The following SCAPER variants were observed in gnomAD, a reference collection of about 807,000 sequenced individuals.
SCAPER encodes the protein S-phase cyclin A associated protein in the ER, also known as S phase cyclin A-associated protein in the endoplasmic reticulum.
A neutral mutation model predicts 182.2 loss-of-function variants in SCAPER; 98 were observed. That is an observed-to-expected ratio of 0.54 (90% CI 0.46 to 0.64). The LOEUF (loss-of-function observed/expected upper bound fraction) is 0.64, where lower values mean the gene tolerates loss of function less well. Ranked by LOEUF, SCAPER falls within the 30% of genes least tolerant of loss-of-function variation. The pLI, the probability that SCAPER is intolerant of heterozygous loss-of-function variation, is 0.00. For missense variants in SCAPER, 1,432 were observed against 1,690.0 expected (o/e 0.85, Z 2.68); for synonymous variants, 605 against 564.6 (o/e 1.07, Z -1.01).
intron 24 of SCAPER, among the ~76,000 whole-genome samples, chr15:76,493,909 G>A (rs2040246372): frequency 6.6e-6 from 1 of 152,058 alleles, no homozygotes; most frequent in African/African-American, 2.4e-5. Flanking sequence ...AATCACTATT[G>A]CTAATTAGCT....
chr15:76,848,982 G>A (rs755244876), intron 4 of SCAPER, among the ~76,000 whole-genome samples: 6 of 152,142 alleles, frequency 3.9e-5, no homozygotes, highest in East Asian at 1.9e-4. Context: ...GCATACGACA[G>A]CCCCTTGGCC....
At chr15:76,648,519 GA>G (rs2054745429) in intron 21 of SCAPER, among the ~76,000 whole-genome samples, 1 of 152,150 alleles carries the variant, frequency 6.6e-6, no homozygotes, top group African/African-American at 2.4e-5. Context: ...TAAACTCACA[GA>G]TTCAAAAAGC....
At chr15:76,695,714 T>C (rs1462824398) in intron 20 of SCAPER, among the ~76,000 whole-genome samples, 1 of 152,130 alleles carries the variant, frequency 6.6e-6, no homozygotes, top group East Asian at 1.9e-4. Flanking sequence ...CAGCCACAGA[T>C]ATAGAGCCAC....
intron 2 of SCAPER, among the ~76,000 whole-genome samples, chr15:76,877,759 C>T (rs1325552069): frequency 1.3e-5 from 2 of 152,140 alleles, no homozygotes; most frequent in Admixed American, 6.6e-5. Context: ...GGCTGAAGAA[C>T]TGTTCCAGAT....
At chr15:76,779,563 G>C (rs1200511227) in intron 8 of SCAPER, among the ~76,000 whole-genome samples, 2 of 152,022 alleles carry the variant, frequency 1.3e-5, no homozygotes, top group South Asian at 4.2e-4. Flanking sequence ...TTAAAAGAAA[G>C]AAGTTTCTCT....
intron 16 of SCAPER, among the ~76,000 whole-genome samples, chr15:76,732,985 G>A (rs1008024705): frequency 6.6e-6 from 1 of 152,094 alleles, no homozygotes; most frequent in African/African-American, 2.4e-5. Context: ...GCCTTACCCT[G>A]CCCGTTTGTC....
At chr15:76,471,164 T>C (rs200596649) in intron 25 of SCAPER, 48 bp downstream of exon 25, 55 of 1,485,792 alleles carry the variant, frequency 3.7e-5, no homozygotes, top group Non-Finnish European at 4.8e-5. Flanking sequence ...ACAGGGACTA[T>C]TTCTCAAACC....
chr15:76,733,289 CT>C lies in SCAPER; in HGVS notation c.1961del (p.Glu654GlyfsTer27). 6.2e-7 allele frequency: 1 copy of C among 1,609,700 alleles called. No individual in the cohort carries two copies. Among genetic ancestry groups the C allele is most frequent in the Non-Finnish European group, 8.5e-7 (1 of 1,177,788 alleles). The stretch of plus-strand genomic sequence containing the variant: ...GTCTTCTCTGACGCTCTTCCTGTAG[CT>C]CATTAAGCCTCTGTTCATATTCCTT... ...KLKEYEQRLNELQEERQRRQE... is the reference protein window; with the variant it reads ...KLKEYEQRLNXLQEERQRRQE... On this transcript the variant is annotated frameshift_variant, in exon 16 of 32. Transcript: ENST00000563290. LOFTEE classifies it high-confidence loss of function.
At chr15:76,847,331 T>G (rs2151808805) in intron 4 of SCAPER, among the ~76,000 whole-genome samples, 1 of 151,922 alleles carries the variant, frequency 6.6e-6, no homozygotes, top group South Asian at 2.1e-4. Flanking sequence ...ATCCCAGAAC[T>G]TAAAGCATAA....
At chr15:76,833,706 T>C (rs765068431) in intron 5 of SCAPER, among the ~76,000 whole-genome samples, 12 of 148,702 alleles carry the variant, frequency 8.1e-5, no homozygotes, top group Non-Finnish European at 1.5e-4. Flanking sequence ...AAAACAGGAG[T>C]TGTCGTTATT....
At chr15:76,559,893 TAAAGAG>T (rs2046476887) in intron 23 of SCAPER, among the ~76,000 whole-genome samples, 1 of 152,032 alleles carries the variant, frequency 6.6e-6, no homozygotes, top group Non-Finnish European at 1.5e-5. Context: ...AACTAAAAGT[TAAAGAG>T]AAACAACAAC....
rs548597981 is a variant in SCAPER, at chr15:76,596,974, G to C, written c.2712-22690C>G. 1.8e-4 allele frequency among the ~76,000 whole-genome samples: 22 copies of C among 121,762 alleles called. 7 individuals carry two copies. The East Asian group carries it at 4.8e-3, about 27-fold the overall frequency. 79.9% of individuals were successfully genotyped at this position (121,762 alleles called of 152,430 possible). A position where few individuals can be genotyped will look rare whatever the true frequency, so the allele number is the denominator to read the frequency against. Reference sequence around the variant, plus strand: ...TTCTGGCCAGGACAATCAGGCAAGAGAAAGAAATAAAGAGTATTCAAATAG... The same window carrying C: ...TTCTGGCCAGGACAATCAGGCAAGACAAAGAAATAAAGAGTATTCAAATAG... On this transcript the variant is annotated intron_variant, in intron 22 of 31. Coordinates refer to ENST00000563290, the MANE Select transcript of SCAPER (RefSeq NM_020843.4).
chr15:76,844,020 T>C (rs2069763137), intron 4 of SCAPER, among the ~76,000 whole-genome samples: 1 of 152,094 alleles, frequency 6.6e-6, no homozygotes, highest in African/African-American at 2.4e-5. Flanking sequence ...TTATCTCCAT[T>C]TTACAGAGGA....
chr15:76,377,165 G>C (rs1429246566), intron 28 of SCAPER, among the ~76,000 whole-genome samples: 2 of 152,208 alleles, frequency 1.3e-5, no homozygotes, highest in Non-Finnish European at 2.9e-5. Flanking sequence ...CTTGAACCAG[G>C]TTGGATACGT....
chr15:76,488,302 A>C (rs905711457), intron 24 of SCAPER, among the ~76,000 whole-genome samples: 1 of 152,150 alleles, frequency 6.6e-6, no homozygotes, highest in Non-Finnish European at 1.5e-5. Flanking sequence ...AGGATGATAA[A>C]ATTTGAATAC....
At chr15:76,599,528 T>C (rs1279226933) in intron 22 of SCAPER, among the ~76,000 whole-genome samples, 2 of 122,300 alleles carry the variant, frequency 1.6e-5, no homozygotes, top group African/African-American at 5.0e-5. Context: ...CATTTACTCA[T>C]AGGAGTACTG....
At chr15:76,534,715 T>G (rs1384501666) in intron 23 of SCAPER, among the ~76,000 whole-genome samples, 1 of 152,162 alleles carries the variant, frequency 6.6e-6, no homozygotes, top group Non-Finnish European at 1.5e-5. Flanking sequence ...AAAAGTCCGA[T>G]AGGATGAATA....
At position 76,804,639 on chromosome 15, in the gene SCAPER, A is replaced by T. The variant is rs1001838657; in HGVS notation, c.394-6T>A. ...TCCAGCATCATTAGCACCTCCTAAA[A>T]GAAACAAAACAAAAAAAAATTAAAT... is the stretch of plus-strand genomic sequence containing the variant. On this transcript the variant is annotated splice_region_variant and splice_polypyrimidine_tract_variant and intron_variant, in intron 5 of 31. Coordinates refer to ENST00000563290, the MANE Select transcript of SCAPER (RefSeq NM_020843.4). 4 of 1,568,652 alleles carry T rather than the reference A, an allele frequency of 2.5e-6. No homozygotes were observed. Among genetic ancestry groups the T allele is most frequent in the Non-Finnish European group, 3.5e-6 (4 of 1,156,608 alleles).
chr15:76,855,355 T>C (rs570493572), intron 4 of SCAPER, among the ~76,000 whole-genome samples: 34 of 148,098 alleles, frequency 2.3e-4, no homozygotes, highest in African/African-American at 8.5e-4. Flanking sequence ...ATCCTCGACA[T>C]AGGAACATGC....
Sources: allele counts gnomAD v4.1 joint callset (sites outside exome capture counted in the v4.1 genomes callset), GRCh38; gene constraint gnomAD v4.1.1; transcripts MANE v1.5; gene names NCBI Gene and HGNC (gene_info 2026-07-23, HGNC 2026-07-21).